The following SYNE1 variants were observed in gnomAD, a reference collection of about 807,000 sequenced individuals.
SYNE1 encodes nesprin-1.
Under a neutral mutation model 1,111.0 loss-of-function variants are expected in SYNE1, and 616 were observed. That is an observed-to-expected ratio of 0.55 (90% CI 0.52 to 0.59). The LOEUF (loss-of-function observed/expected upper bound fraction) is 0.59. Among genes scored for constraint, SYNE1 ranks in the 20% least tolerant of loss-of-function variants. The pLI, the probability that SYNE1 is intolerant of heterozygous loss-of-function variation, is 0.00. For missense variants in SYNE1, 10,006 were observed against 10,417.0 expected (o/e 0.96, Z 1.72); for synonymous variants, 3,855 against 3,825.8 (o/e 1.01, Z -0.28).
At chr6:152,594,662 G>A (rs761501591) in intron 3 of SYNE1, among the ~76,000 whole-genome samples, 4 of 152,110 alleles carry the variant, frequency 2.6e-5, no homozygotes, top group Admixed American at 6.6e-5. Context: ...AAATAAATAC[G>A]TCCCTTGATG....
At chr6:152,218,434 A>C (rs749748262) in intron 120 of SYNE1, 31 bp from the exon 121 acceptor site, 4 of 1,552,014 alleles carry the variant, frequency 2.6e-6, no homozygotes, top group South Asian at 1.1e-5. Flanking sequence ...TTGGTATTTC[A>C]GTTAAAAAAA....
intron 78 of SYNE1, among the ~76,000 whole-genome samples, chr6:152,329,077 G>C (rs552091025): frequency 2.6e-5 from 4 of 152,144 alleles, no homozygotes; most frequent in Non-Finnish European, 5.9e-5. Context: ...TGGTTAATCA[G>C]TTGTACTATC....
chr6:152,393,733 T>C (rs1270281483), intron 51 of SYNE1, among the ~76,000 whole-genome samples: 1 of 152,142 alleles, frequency 6.6e-6, no homozygotes, highest in Non-Finnish European at 1.5e-5. Context: ...TGTTTGTATG[T>C]TTGTTTTTCA....
intron 62 of SYNE1, among the ~76,000 whole-genome samples, chr6:152,366,841 G>C (rs866361203): frequency 6.6e-6 from 1 of 152,188 alleles, no homozygotes; most frequent in African/African-American, 2.4e-5. Context: ...TGGGATGGGA[G>C]GAGAATTGGC....
At position 152,230,691 on chromosome 6, in the gene SYNE1, C is replaced by CA; in HGVS notation, c.21050dup (p.Leu7017PhefsTer12). On this transcript the variant is annotated frameshift_variant, in exon 115 of 146. Transcript: ENST00000367255. LOFTEE classifies it high-confidence loss of function. The stretch of plus-strand genomic sequence containing the variant: ...CTGACCAAGATTCCAATAAGCCTTC[C>CA]AACAGCTGGATCTGAACAAACACAA... The CA allele has an allele frequency of 6.2e-7, 1 of 1,613,894 alleles. No homozygotes were observed. Among genetic ancestry groups the CA allele is most frequent in the Non-Finnish European group, 8.5e-7 (1 of 1,179,906 alleles).
At chr6:152,199,102 T>C (rs1327916004) in intron 127 of SYNE1, among the ~76,000 whole-genome samples, 7 of 152,190 alleles carry the variant, frequency 4.6e-5, no homozygotes, top group African/African-American at 1.7e-4. Flanking sequence ...CATAATTTGA[T>C]AAATTGCTAA....
rs764831003 is a variant in SYNE1, at chr6:152,428,361, C to T, written c.4820G>A (p.Ser1607Asn). Reference protein sequence around the residue: ...DLCQALESLSSAITAFSASAR... With the variant: ...DLCQALESLSNAITAFSASAR... The stretch of plus-strand genomic sequence containing the variant: ...ACTGGCTGAGAAGGCAGTGATCGCG[C>T]TGCTCAGTGACTCCAGGGCCTGGCA... Residue 1607 changes from serine (S) to asparagine (N), a missense_variant, in exon 37 of 146, where the codon AGC (serine) becomes AAC (asparagine). Transcript: ENST00000367255. 20 of 1,613,864 alleles carry T rather than the reference C, an allele frequency of 1.2e-5. No homozygotes were observed. The highest frequency in any genetic ancestry group is 1.7e-5 in the Non-Finnish European group (20 of 1,180,036).
chr6:152,357,833 C>A (rs1197623590), intron 66 of SYNE1, among the ~76,000 whole-genome samples: 1 of 152,106 alleles, frequency 6.6e-6, no homozygotes, highest in Non-Finnish European at 1.5e-5. Flanking sequence ...CTTTCTCCAC[C>A]ATGTCTGGCA....
In SYNE1 at chr6:152,181,218, C is replaced by T. The variant is rs569814705; in HGVS notation, c.23302-924G>A. 1.1e-4 allele frequency among the ~76,000 whole-genome samples: 9 copies of T among 83,634 alleles called. No homozygotes were observed. In the South Asian group the frequency reaches 2.9e-3, roughly 27 times the overall value. The allele number at this position is 83,634 out of a possible 152,430, so 54.9% of individuals were successfully genotyped here. ...CTAGAGGTCAGGAGTTCGAAACCTG[C>T]GTGGCCAACATGGTGAAACCCCATC... On this transcript the variant is annotated intron_variant, in intron 128 of 145. Transcript: ENST00000367255.
chr6:152,570,725 T>C lies in SYNE1; in HGVS notation c.68-30704A>G, dbSNP rs1312126015. Among the ~76,000 whole-genome samples, 7 of 152,302 alleles carry C rather than the reference T, an allele frequency of 4.6e-5. No individual in the cohort carries two copies. The East Asian group carries it at 1.4e-3, about 29-fold the overall frequency. Reference sequence around the variant, plus strand: ...TAATCAGAGGCAATCAAAACAATGGTATCCCCTTCCTTCTACAAATTAATA... The same window carrying C: ...TAATCAGAGGCAATCAAAACAATGGCATCCCCTTCCTTCTACAAATTAATA... On this transcript the variant is annotated intron_variant, in intron 3 of 145. Coordinates refer to ENST00000367255, the MANE Select transcript of SYNE1 (RefSeq NM_182961.4).
chr6:152,485,671 A>T (rs1564381898), intron 12 of SYNE1, among the ~76,000 whole-genome samples: 1 of 152,220 alleles, frequency 6.6e-6, no homozygotes, highest in Non-Finnish European at 1.5e-5. Context: ...AAATTAACCC[A>T]TCCTAAAATA....
At chr6:152,552,369 T>C (rs544668421) in intron 3 of SYNE1, among the ~76,000 whole-genome samples, 10 of 151,864 alleles carry the variant, frequency 6.6e-5, no homozygotes, top group African/African-American at 2.2e-4. Flanking sequence ...ACTGCTAATA[T>C]TATTTCTTAG....
intron 3 of SYNE1, among the ~76,000 whole-genome samples, chr6:152,620,771 T>A (rs2128905700): frequency 6.6e-6 from 1 of 152,258 alleles, no homozygotes; most frequent in South Asian, 2.1e-4. Context: ...AAATATAATA[T>A]TAACTATTTA....
At position 152,213,627 on chromosome 6, in the gene SYNE1, C is replaced by T. The variant is rs1314619363; in HGVS notation, c.22479G>A (p.Gln7493=). The change falls in exon 123 of 146, where the codon CAG becomes CAA. Residue 7493 remains glutamine (Q), a synonymous_variant. Coordinates refer to ENST00000367255, the MANE Select transcript of SYNE1 (RefSeq NM_182961.4). ...TACAACTTACCTCGTGTGCTCTCTG[C>T]TGTTCCAAAAGGTGCTGATAATTTC... ...ISGNYQHLLE[Q]QRAHELFQAE... 10 of 1,613,948 alleles carry T rather than the reference C, an allele frequency of 6.2e-6. No homozygotes were observed. Among genetic ancestry groups the T allele is most frequent in the Non-Finnish European group, 8.5e-6 (10 of 1,179,970 alleles).
rs1333799022 is a variant in SYNE1, at chr6:152,201,960, A to AATAAAAACAAATAGC, written c.23020-26_23020-12dup. The AATAAAAACAAATAGC allele has an allele frequency of 1.2e-6, 2 of 1,613,750 alleles. No homozygotes were observed. Among genetic ancestry groups the AATAAAAACAAATAGC allele is most frequent in the South Asian group, 2.2e-5 (2 of 91,060 alleles). On this transcript the variant is annotated splice_polypyrimidine_tract_variant and intron_variant, in intron 126 of 145. Transcript: ENST00000367255. ...ACATTTTTCCCAGTCCTATCATGGG[A>AATAAAAACAAATAGC]ATAAAAACAAATAGCATAGATGTTT...
intron 11 of SYNE1, among the ~76,000 whole-genome samples, chr6:152,493,653 T>C (rs1407642837): frequency 6.6e-6 from 1 of 152,122 alleles, no homozygotes; most frequent in Non-Finnish European, 1.5e-5. Flanking sequence ...AAAAGGATAA[T>C]GCAACTCCCC....
At chr6:152,393,817 C>T (rs867257643) in intron 51 of SYNE1, among the ~76,000 whole-genome samples, 1 of 133,238 alleles carries the variant, frequency 7.5e-6, no homozygotes, top group Non-Finnish European at 1.6e-5. Context: ...GATCTGAATT[C>T]TGGAATTTCT....
chr6:152,280,441 A>AT (rs918979973), intron 97 of SYNE1, among the ~76,000 whole-genome samples: 11 of 151,130 alleles, frequency 7.3e-5, no homozygotes, highest in Non-Finnish European at 1.0e-4. Context: ...TTTTTTTGTA[A>AT]TTTTTTTTTA....
intron 74 of SYNE1, among the ~76,000 whole-genome samples, chr6:152,341,272 G>A (rs1427065464): frequency 1.3e-5 from 2 of 152,114 alleles, no homozygotes; most frequent in Non-Finnish European, 2.9e-5. Flanking sequence ...ACAACTTTTG[G>A]ATATGAGAAG....
Sources: allele counts gnomAD v4.1 joint callset (sites outside exome capture counted in the v4.1 genomes callset), GRCh38; gene constraint gnomAD v4.1.1; transcripts MANE v1.5; gene names NCBI Gene and HGNC (gene_info 2026-07-23, HGNC 2026-07-21).